Variants in CHCHD6 observed in about 807,000 individuals in gnomAD.
The protein encoded by CHCHD6 is coiled-coil-helix-coiled-coil-helix domain containing 6, also known as MICOS complex subunit MIC25.
CHCHD6 carries 28 observed loss-of-function variants against 32.3 expected under a neutral mutation model. The ratio of observed to expected loss-of-function variants is 0.87; its 90% CI spans 0.64 to 1.19. CHCHD6 has a LOEUF of 1.19. CHCHD6 is among the 50% of genes most tolerant of loss of function. The pLI, the probability that CHCHD6 is intolerant of heterozygous loss-of-function variation, is 0.00. For synonymous variants in CHCHD6, 122 were observed against 117.5 expected (o/e 1.04, Z -0.25); for missense variants, 333 against 307.0 (o/e 1.08, Z -0.63).
chr3:126,858,991 A>G (rs187585556), intron 5 of CHCHD6, among the ~76,000 whole-genome samples: 352 of 152,330 alleles, frequency 2.3e-3, no homozygotes, highest in African/African-American at 7.7e-3. Context: ...AGCACTTGCC[A>G]CACTCTGTCT....
At chr3:126,878,551 G>A (rs1370044246) in intron 5 of CHCHD6, among the ~76,000 whole-genome samples, 4 of 152,192 alleles carry the variant, frequency 2.6e-5, no homozygotes, top group Non-Finnish European at 5.9e-5. Flanking sequence ...GAGAATCTGA[G>A]TCCATTCTGA....
chr3:126,778,185 G>A (rs1937743680), intron 4 of CHCHD6, among the ~76,000 whole-genome samples: 1 of 152,094 alleles, frequency 6.6e-6, no homozygotes, highest in Non-Finnish European at 1.5e-5. Context: ...TGGATATTTG[G>A]GCTGTTTCCA....
chr3:126,903,545 A>T (rs2077961477), intron 5 of CHCHD6, among the ~76,000 whole-genome samples: 1 of 152,214 alleles, frequency 6.6e-6, no homozygotes, highest in South Asian at 2.1e-4. Flanking sequence ...TTTTAAAAAA[A>T]ATTCTGTTGT....
intron 5 of CHCHD6, among the ~76,000 whole-genome samples, chr3:126,879,019 G>C (rs1272695771): frequency 2.0e-5 from 3 of 152,202 alleles, no homozygotes; most frequent in Non-Finnish European, 4.4e-5. Flanking sequence ...GCTGTCGGTT[G>C]GGACCTTTGC....
intron 1 of CHCHD6, among the ~76,000 whole-genome samples, chr3:126,710,405 TTTATC>T (rs1426249012): frequency 1.3e-5 from 2 of 152,202 alleles, no homozygotes; most frequent in Non-Finnish European, 2.9e-5. Flanking sequence ...TCAAGATTGT[TTTATC>T]TGTTCTGGGT....
chr3:126,814,296 A>G (rs1939784737), intron 4 of CHCHD6, among the ~76,000 whole-genome samples: 1 of 152,168 alleles, frequency 6.6e-6, no homozygotes, highest in Non-Finnish European at 1.5e-5. Context: ...GACAGGACAG[A>G]GTTTATGAAT....
chr3:126,915,370 C>A (rs1296881900), intron 6 of CHCHD6, among the ~76,000 whole-genome samples: 1 of 152,204 alleles, frequency 6.6e-6, no homozygotes, highest in East Asian at 1.9e-4. Context: ...GGGAGGTGCT[C>A]ACAGTGTGCC....
chr3:126,950,792 G>C (rs1376405065), intron 6 of CHCHD6, among the ~76,000 whole-genome samples: 1 of 152,206 alleles, frequency 6.6e-6, no homozygotes, highest in Non-Finnish European at 1.5e-5. Context: ...CTGCACAGAG[G>C]AATGGCTATG....
intron 4 of CHCHD6, among the ~76,000 whole-genome samples, chr3:126,766,014 A>G (rs1237461714): frequency 3.9e-5 from 6 of 152,154 alleles, no homozygotes; most frequent in Non-Finnish European, 7.3e-5. Flanking sequence ...TGGTTCCTGT[A>G]AGGGACATTT....
At chr3:126,934,106 A>C (rs1194865096) in intron 6 of CHCHD6, among the ~76,000 whole-genome samples, 2 of 152,222 alleles carry the variant, frequency 1.3e-5, no homozygotes, top group African/African-American at 4.8e-5. Flanking sequence ...ACTGGAGTGC[A>C]AGCATGGAAA....
rs1166269865 is a variant in CHCHD6 at position 126,727,906 on chromosome 3, G to A, written c.196+720G>A. On this transcript the variant is annotated intron_variant, in intron 2 of 7. Coordinates refer to ENST00000290913, the MANE Select transcript of CHCHD6 (RefSeq NM_032343.3). ...AATATTACAAAATAAAAAAGTCCTT[G>A]GAGCAACTGCTCAAAACATACTTGT... is the stretch of plus-strand genomic sequence containing the variant. 2.0e-5 allele frequency among the ~76,000 whole-genome samples: 3 copies of A among 152,018 alleles called. No individual in the cohort carries two copies. The East Asian group carries it at 5.8e-4, about 29-fold the overall frequency.
At chr3:126,820,513 G>C (rs947369222) in intron 4 of CHCHD6, among the ~76,000 whole-genome samples, 2 of 152,156 alleles carry the variant, frequency 1.3e-5, no homozygotes, top group African/African-American at 2.4e-5. Context: ...CTGGCTCTCT[G>C]TGACGTCTGT....
At chr3:126,926,077 C>G (rs533987918) in intron 6 of CHCHD6, among the ~76,000 whole-genome samples, 2 of 152,212 alleles carry the variant, frequency 1.3e-5, no homozygotes, top group Middle Eastern at 3.2e-3. Context: ...GCTTAGGACT[C>G]TCGTTCCTCT....
At chr3:126,958,086 C>T (rs1283044566) in intron 7 of CHCHD6, among the ~76,000 whole-genome samples, 2 of 151,852 alleles carry the variant, frequency 1.3e-5, no homozygotes, top group Admixed American at 6.6e-5. Context: ...CTCTGGTCAC[C>T]TCCCACTCCA....
chr3:126,824,256 T>C lies in CHCHD6; in HGVS notation c.412-28391T>C, dbSNP rs1406270968. ...TGAGAGTTTTATCAAATGCTGGTTC[T>C]TAAATCTTTAAGAACCAACATTTGG... On this transcript the variant is annotated intron_variant, in intron 4 of 7. Transcript: ENST00000290913. Among the ~76,000 whole-genome samples the C allele has an allele frequency of 3.3e-5, 5 of 151,930 alleles. No individual in the cohort carries two copies. In the East Asian group the frequency reaches 9.7e-4, roughly 30 times the overall value.
chr3:126,847,597 C>G (rs1941334539), intron 4 of CHCHD6, among the ~76,000 whole-genome samples: 1 of 152,182 alleles, frequency 6.6e-6, no homozygotes, highest in Non-Finnish European at 1.5e-5. Context: ...AAGAGGAGAT[C>G]CCACAGGGGC....
At chr3:126,834,053 CAAAAAAAAA>C (rs55790919) in intron 4 of CHCHD6, among the ~76,000 whole-genome samples, 3 of 44,434 alleles carry the variant, frequency 6.8e-5, no homozygotes, top group African/African-American at 2.2e-4. Context: ...GACTCCGTCT[CAAAAAAAAA>C]AAAAAAAAAA....
chr3:126,959,035 C>A (rs977062507), intron 7 of CHCHD6, among the ~76,000 whole-genome samples: 2 of 152,250 alleles, frequency 1.3e-5, no homozygotes, highest in African/African-American at 4.8e-5. Context: ...CCCTAGACTC[C>A]ATCCTCTCTC....
chr3:126,885,213 C>T (rs150485749), intron 5 of CHCHD6, among the ~76,000 whole-genome samples: 215 of 152,324 alleles, frequency 1.4e-3, no homozygotes, highest in African/African-American at 5.0e-3. Context: ...CTCCAGTCAA[C>T]GTGGGCCTCC....
Sources: allele counts gnomAD v4.1 joint callset (sites outside exome capture counted in the v4.1 genomes callset), GRCh38; gene constraint gnomAD v4.1.1; transcripts MANE v1.5; gene names NCBI Gene and HGNC (gene_info 2026-07-23, HGNC 2026-07-21).